TTC29: variants seen among roughly 807,000 people sequenced by gnomAD.
The protein encoded by TTC29 is tetratricopeptide repeat domain 29.
Under a neutral mutation model 58.1 loss-of-function variants are expected in TTC29, and 49 were observed. That is an observed-to-expected ratio of 0.84 (90% CI 0.67 to 1.07). The LOEUF is 1.07. TTC29 is among the 50% of genes least tolerant of loss of function. The pLI is 0.00. For missense variants in TTC29, 582 were observed against 555.6 expected, an observed-to-expected ratio of 1.05 and a Z score of -0.48; for synonymous variants, 209 against 196.8, an observed-to-expected ratio of 1.06 and a Z score of -0.52.
At chr4:146,742,905 G>T (rs1745269233) in intron 11 of TTC29, among the ~76,000 whole-genome samples, 1 of 152,008 alleles carries the variant, frequency 6.6e-6, no homozygotes, top group Non-Finnish European at 1.5e-5. Flanking sequence ...CTGCTTTTCA[G>T]AAGAGATTTC....
At chr4:146,943,123 A>G (rs1250277149) in intron 2 of TTC29, 1 of 150,080 alleles carries the variant, frequency 6.7e-6, no homozygotes, top group African/African-American at 2.5e-5. Context: ...TGCAAATGAC[A>G]TACATGGAGA....
At chr4:146,790,211 C>T (rs527444729) in intron 11 of TTC29, among the ~76,000 whole-genome samples, 17 of 148,514 alleles carry the variant, frequency 1.1e-4, no homozygotes, top group East Asian at 4.0e-4. Flanking sequence ...TTTTTTGAGA[C>T]GGAGTCTCAC....
intron 11 of TTC29, among the ~76,000 whole-genome samples, chr4:146,798,202 G>A (rs1579697216): frequency 6.6e-6 from 1 of 152,110 alleles, no homozygotes; most frequent in Non-Finnish European, 1.5e-5. Flanking sequence ...ACAAAGTAAA[G>A]TATATGAAGA....
At chr4:146,924,444 A>T (rs1327979610) in intron 4 of TTC29, among the ~76,000 whole-genome samples, 5 of 151,840 alleles carry the variant, frequency 3.3e-5, no homozygotes. Context: ...AATAAATATA[A>T]ATCTCTTCTG....
At chr4:146,885,110 C>T (rs1332343573) in intron 6 of TTC29, among the ~76,000 whole-genome samples, 1 of 151,942 alleles carries the variant, frequency 6.6e-6, no homozygotes, top group Non-Finnish European at 1.5e-5. Flanking sequence ...CAAGTTTACC[C>T]AGGGCTTTCC....
intron 3 of TTC29, among the ~76,000 whole-genome samples, 172 bp downstream of exon 3, chr4:146,939,632 T>C (rs1580040720): frequency 6.6e-6 from 1 of 152,212 alleles, no homozygotes; most frequent in East Asian, 1.9e-4. Context: ...ATTTGCAGTA[T>C]TTGAATGTGG....
chr4:146,737,348 T>G (rs573989878), intron 11 of TTC29, among the ~76,000 whole-genome samples: 1 of 152,246 alleles, frequency 6.6e-6, no homozygotes, highest in Admixed American at 6.5e-5. Context: ...CAGATATTCC[T>G]GTGTGTTTCC....
chr4:146,716,804 A>T (rs1742964337), intron 11 of TTC29, among the ~76,000 whole-genome samples: 1 of 152,222 alleles, frequency 6.6e-6, no homozygotes, highest in Admixed American at 6.5e-5. Flanking sequence ...AACCTTGTAC[A>T]TCCCAGCTAA....
At chr4:146,742,040 G>T (rs1745192749) in intron 11 of TTC29, among the ~76,000 whole-genome samples, 1 of 151,716 alleles carries the variant, frequency 6.6e-6, no homozygotes. Context: ...ATATGCAGAA[G>T]CCCACAGGGT....
At chr4:146,769,509 A>G (rs1747563583) in intron 11 of TTC29, among the ~76,000 whole-genome samples, 1 of 152,036 alleles carries the variant, frequency 6.6e-6, no homozygotes. Context: ...AATAGGGATT[A>G]AGCATATATT....
chr4:146,819,207 A>C (rs1751652347), intron 10 of TTC29, among the ~76,000 whole-genome samples: 1 of 152,088 alleles, frequency 6.6e-6, no homozygotes, highest in Non-Finnish European at 1.5e-5. Context: ...CTTAATATGC[A>C]CAATAACTTT....
chr4:146,840,346 A>G (rs1220103820), intron 8 of TTC29, among the ~76,000 whole-genome samples: 4 of 151,988 alleles, frequency 2.6e-5, no homozygotes, highest in African/African-American at 9.7e-5. Flanking sequence ...CCTTGTTATC[A>G]CTTTCTTCAT....
intron 11 of TTC29, among the ~76,000 whole-genome samples, chr4:146,768,517 T>C (rs186620523): frequency 1.5e-4 from 23 of 152,118 alleles, no homozygotes; most frequent in Admixed American, 1.4e-3. Flanking sequence ...CTCAAATTTA[T>C]AAGACAGTCT....
Position 146,742,620 on chromosome 4 carries a change from CTTCCTTCCTTCGT to C in TTC29, c.1331-35082_1331-35070del, listed in dbSNP as rs1470702265. Among the ~76,000 whole-genome samples, 283 of 92,628 alleles carry C rather than the reference CTTCCTTCCTTCGT, an allele frequency of 3.1e-3. 1 individual carries two copies. Among genetic ancestry groups the C allele is most frequent in the African/African-American group, 9.3e-3 (265 of 28,458 alleles). 60.8% of individuals were successfully genotyped at this position (92,628 alleles called of 152,430 possible). On this transcript the variant is annotated intron_variant, in intron 11 of 12. Transcript: ENST00000325106. The stretch of plus-strand genomic sequence containing the variant: ...TTCCTTCCCTCCCTTCCTTCCCTCC[CTTCCTTCCTTCGT>C]TTCCTTCCTTCTTTCCTTCCTTCCT...
intron 11 of TTC29, among the ~76,000 whole-genome samples, chr4:146,794,202 A>G (rs1749668835): frequency 6.6e-6 from 1 of 152,166 alleles, no homozygotes; most frequent in South Asian, 2.1e-4. Context: ...GAAGTCATTC[A>G]CATGAGAGGT....
At position 146,945,805 on chromosome 4, in the gene TTC29, C is replaced by T. The variant is rs1037231855; in HGVS notation, c.-150G>A. On this transcript the variant is annotated 5_prime_UTR_variant, in exon 1 of 13. Transcript: ENST00000325106. ...GTGCTGGGCGTTGGCGCTGCCCCCTCCTCTCTCAGTGATTCCGAAGCCTGG... is the reference window on the plus strand; with the variant it reads ...GTGCTGGGCGTTGGCGCTGCCCCCTTCTCTCTCAGTGATTCCGAAGCCTGG... 6 of 152,516 alleles carry T rather than the reference C, an allele frequency of 3.9e-5. No individual in the cohort carries two copies. The highest frequency in any genetic ancestry group is 1.4e-4 in the African/African-American group (6 of 41,476). The allele number at this position is 152,516 out of a possible 1,614,324, so 9.4% of individuals were successfully genotyped here.
intron 11 of TTC29, among the ~76,000 whole-genome samples, chr4:146,712,816 G>T (rs915885571): frequency 6.6e-6 from 1 of 152,046 alleles, no homozygotes; most frequent in Non-Finnish European, 1.5e-5. Context: ...TAAATTCAGG[G>T]TAAAGAGAGA....
intron 11 of TTC29, among the ~76,000 whole-genome samples, chr4:146,728,144 G>A (rs542772541): frequency 2.4e-4 from 36 of 151,838 alleles, no homozygotes; most frequent in Non-Finnish European, 3.4e-4. Flanking sequence ...AAAATTAGCC[G>A]GGCGAGGTGG....
At chr4:146,729,387 T>C (rs1272120162) in intron 11 of TTC29, among the ~76,000 whole-genome samples, 10 of 152,338 alleles carry the variant, frequency 6.6e-5, no homozygotes, top group Middle Eastern at 3.4e-3. Context: ...TATTGATCTA[T>C]GAAGGAGATA....
Sources: allele counts gnomAD v4.1 joint callset (sites outside exome capture counted in the v4.1 genomes callset), GRCh38; gene constraint gnomAD v4.1.1; transcripts MANE v1.5; gene names NCBI Gene and HGNC (gene_info 2026-07-23, HGNC 2026-07-21).